APCDD1: variants seen among roughly 807,000 people sequenced by gnomAD.
APCDD1 encodes APC down-regulated 1.
APCDD1 carries 15 observed loss-of-function variants against 38.1 expected under a neutral mutation model. The ratio of observed to expected loss-of-function variants is 0.39; its 90% CI spans 0.26 to 0.61. APCDD1 has a LOEUF of 0.61. APCDD1 is among the 20% of genes least tolerant of loss of function. The pLI is 0.49. For synonymous variants in APCDD1, 261 were observed against 279.7 expected (o/e 0.93, Z 0.67); for missense variants, 647 against 696.2 (o/e 0.93, Z 0.79).
chr18:10,457,424 T>C (rs1265454738), intron 1 of APCDD1, among the ~76,000 whole-genome samples: 1 of 152,250 alleles, frequency 6.6e-6, no homozygotes, highest in Non-Finnish European at 1.5e-5. Flanking sequence ...TAGTAACAGA[T>C]GGAGTGTGAT....
At chr18:10,460,425 C>T (rs763715902) in intron 1 of APCDD1, among the ~76,000 whole-genome samples, 3 of 151,382 alleles carry the variant, frequency 2.0e-5, no homozygotes, top group Non-Finnish European at 2.9e-5. Context: ...TCCAGCTTCT[C>T]GGGAGGGTGA....
rs897890762 is a variant in APCDD1 at position 10,472,021 on chromosome 18, A to G, written c.734A>G (p.Tyr245Cys). 6.2e-7 allele frequency: 1 copy of G among 1,613,794 alleles called. No homozygotes were observed. The highest frequency in any genetic ancestry group is 8.5e-7 in the Non-Finnish European group (1 of 1,180,030). ...IHTDATQRMFYRPSSYQPPLQ... is the reference protein window; with the variant it reads ...IHTDATQRMFCRPSSYQPPLQ... ...ACTGATGCCACCCAGAGGATGTTCTACCGGCCCTCCAGTTACCAGCCCCCT... is the reference window on the plus strand; with the variant it reads ...ACTGATGCCACCCAGAGGATGTTCTGCCGGCCCTCCAGTTACCAGCCCCCT... The change falls in exon 3 of 5, where the codon TAC (tyrosine) becomes TGC (cysteine). Residue 245 changes from tyrosine (Y) to cysteine (C), a missense_variant. Coordinates refer to ENST00000355285, the MANE Select transcript of APCDD1 (RefSeq NM_153000.5). The surrounding 1 kb of genome is among the most constrained non-coding windows in gnomAD (Gnocchi z 6.6).
chr18:10,464,829 G>C (rs1003178800), intron 1 of APCDD1, among the ~76,000 whole-genome samples: 2 of 152,188 alleles, frequency 1.3e-5, no homozygotes, highest in Non-Finnish European at 2.9e-5. Flanking sequence ...AACTTTGCCT[G>C]GAGGCCCTAT....
rs2030614865 is a variant in APCDD1, at chr18:10,463,146, C to A, written c.59-5323C>A. Among the ~76,000 whole-genome samples, 3 of 152,002 alleles carry A rather than the reference C, an allele frequency of 2.0e-5. No individual in the cohort carries two copies. The South Asian group carries it at 6.2e-4, about 32-fold the overall frequency. ...TATGCGAATCTCTCACTCCTGCCCC[C>A]CATGCTTGAGTGTGCTCAAGCACAC... On this transcript the variant is annotated intron_variant, in intron 1 of 4. Coordinates refer to ENST00000355285, the MANE Select transcript of APCDD1 (RefSeq NM_153000.5).
chr18:10,487,609 C>A lies in APCDD1; in HGVS notation c.1116C>A (p.Thr372=), dbSNP rs116485256. The A allele has an allele frequency of 1.2e-6, 2 of 1,614,132 alleles. No individual in the cohort carries two copies. The highest frequency in any genetic ancestry group is 1.7e-6 in the Non-Finnish European group (2 of 1,180,048). The change falls in exon 5 of 5, where the codon ACC becomes ACA. Residue 372 remains threonine (T), a synonymous_variant. Coordinates refer to ENST00000355285, the MANE Select transcript of APCDD1 (RefSeq NM_153000.5). ...FVFKVNHMKV[T]PMDAATASLL... ...TTGCAGTGAATCACATGAAGGTCAC[C>A]CCCATGGATGCGGCCACAGCCTCAC...
rs749572726 is a variant in APCDD1 at position 10,471,616 on chromosome 18, A to G, written c.329A>G (p.Tyr110Cys). 10 of 1,614,186 alleles carry G rather than the reference A, an allele frequency of 6.2e-6. No homozygotes were observed. In the South Asian group the frequency reaches 9.9e-5, roughly 16 times the overall value. ...ACCTTCAAGGCCTACCAATTTTATT[A>G]TGGCAGCAACCGGTGCACAAATCCC... is the stretch of plus-strand genomic sequence containing the variant. ...NNTFKAYQFY[Y>C]GSNRCTNPTY... The change falls in exon 3 of 5, where the codon TAT (tyrosine) becomes TGT (cysteine). Residue 110 changes from tyrosine to cysteine, a missense_variant. Physicochemically the swap from Tyr to Cys is radical, Grantham distance 194. Transcript: ENST00000355285. This position sits in a 1 kb window ranked among gnomAD's most constrained non-coding sequence, Gnocchi z 5.5.
At position 10,472,007 on chromosome 18, in the gene APCDD1, C is replaced by T. The variant is rs2030871827; in HGVS notation, c.720C>T (p.Thr240=). ...LFLGDIHTDA[T]QRMFYRPSSY... Reference sequence around the variant, plus strand: ...TTGGTGACATTCACACTGATGCCACCCAGAGGATGTTCTACCGGCCCTCCA... The same window carrying T: ...TTGGTGACATTCACACTGATGCCACTCAGAGGATGTTCTACCGGCCCTCCA... The change falls in exon 3 of 5, where the codon ACC becomes ACT. Residue 240 remains threonine (T), a synonymous_variant. Transcript: ENST00000355285. The surrounding 1 kb of genome is among the most constrained non-coding windows in gnomAD (Gnocchi z 6.6). 1 of 1,613,920 alleles carries T rather than the reference C, an allele frequency of 6.2e-7. No homozygotes were observed. The highest frequency in any genetic ancestry group is 8.5e-7 in the Non-Finnish European group (1 of 1,180,040).
rs1484306128 is a variant in APCDD1, at chr18:10,472,257, C to T, written c.774+196C>T. ...GAGGGTGCTTTAGCCAGTCAGGAGA[C>T]CTGGGTCTGCCACCAACTTGCTCTG... On this transcript the variant is annotated intron_variant, in intron 3 of 4. Coordinates refer to ENST00000355285, the MANE Select transcript of APCDD1 (RefSeq NM_153000.5). The surrounding 1 kb of genome is among the most constrained non-coding windows in gnomAD (Gnocchi z 6.6). 2.0e-5 allele frequency among the ~76,000 whole-genome samples: 3 copies of T among 152,068 alleles called. No homozygotes were observed. The highest frequency in any genetic ancestry group is 1.5e-5 in the Non-Finnish European group (1 of 67,996).
In APCDD1 at chr18:10,471,546, GGCCCA is replaced by G. The variant is rs751406515; in HGVS notation, c.261_265del (p.Pro88ValfsTer12). The stretch of plus-strand genomic sequence containing the variant: ...CTTGCCCAGCTGTGAAGTAAGGTCA[GGCCCA>G]GAGTTCATCACAAGGTCCTACAGAT... On this transcript the variant is annotated frameshift_variant, in exon 3 of 5. Transcript: ENST00000355285. LOFTEE classifies it high-confidence loss of function. This position sits in a 1 kb window ranked among gnomAD's most constrained non-coding sequence, Gnocchi z 5.5. 1 of 1,614,174 alleles carries G rather than the reference GGCCCA, an allele frequency of 6.2e-7. No homozygotes were observed. Among genetic ancestry groups the G allele is most frequent in the Non-Finnish European group, 8.5e-7 (1 of 1,180,032 alleles).
intron 3 of APCDD1, among the ~76,000 whole-genome samples, chr18:10,478,530 G>A (rs2031059780): frequency 6.6e-6 from 1 of 152,200 alleles, no homozygotes; most frequent in South Asian, 2.1e-4. Context: ...TCTCTCCCAG[G>A]TTGCAGACTG....
chr18:10,484,093 C>T lies in APCDD1; in HGVS notation c.775-1369C>T, dbSNP rs753283874. On this transcript the variant is annotated intron_variant, in intron 3 of 4. Coordinates refer to ENST00000355285, the MANE Select transcript of APCDD1 (RefSeq NM_153000.5). ...GACAGCCCTTGTTCCCTGCTGTGTC[C>T]GTGTTATAAAATAGACCAGGCAAGA... Among the ~76,000 whole-genome samples, 93 of 152,302 alleles carry T rather than the reference C, an allele frequency of 6.1e-4. 2 individuals carry two copies. The Middle Eastern group carries it at 0.01, about 17-fold the overall frequency.
In APCDD1 at chr18:10,488,127, A is replaced by T; in HGVS notation, c.*89A>T. The T allele has an allele frequency of 6.9e-7, 1 of 1,443,774 alleles. No individual in the cohort carries two copies. The highest frequency in any genetic ancestry group is 1.2e-5 in the South Asian group (1 of 83,370). The allele number at this position is 1,443,774 out of a possible 1,614,324, so 89.4% of individuals were successfully genotyped here. Reference sequence around the variant, plus strand: ...AAAAGAAAAGACATTTATTCTTTTGATGCACTTGAATGCCAGAGAACTGTC... The same window carrying T: ...AAAAGAAAAGACATTTATTCTTTTGTTGCACTTGAATGCCAGAGAACTGTC... On this transcript the variant is annotated 3_prime_UTR_variant, in exon 5 of 5. Transcript: ENST00000355285.
Position 10,485,455 on chromosome 18 carries a change from G to A in APCDD1, c.775-7G>A, listed in dbSNP as rs1381041168. On this transcript the variant is annotated splice_polypyrimidine_tract_variant and splice_region_variant and intron_variant, in intron 3 of 4. Coordinates refer to ENST00000355285, the MANE Select transcript of APCDD1 (RefSeq NM_153000.5). The surrounding 1 kb of genome is among the most constrained non-coding windows in gnomAD (Gnocchi z 5.8). ...GGCCTCTGAATGTGTTTGTTTCTTG[G>A]CTTCAGAACCACGACCATGCCTGCA... 3.1e-6 allele frequency: 5 copies of A among 1,613,664 alleles called. 1 individual carries two copies. The South Asian group carries it at 5.5e-5, about 18-fold the overall frequency.
intron 1 of APCDD1, among the ~76,000 whole-genome samples, chr18:10,459,960 C>T (rs1425268698): frequency 6.6e-6 from 1 of 152,158 alleles, no homozygotes. Context: ...TTAAGCTCTC[C>T]ATAATGGTTG....
In APCDD1 at chr18:10,472,894, C is replaced by A. The variant is rs16974517; in HGVS notation, c.774+833C>A. 0.093 allele frequency among the ~76,000 whole-genome samples: 14,218 copies of A among 152,224 alleles called. 795 individuals are homozygous for A. Among genetic ancestry groups the A allele is most frequent in the Middle Eastern group, 0.18 (52 of 294 alleles). ...AACTCGATCACCTCCACCATCTCCCCGCAGAGCCTGTGAAGTCCCAGGCAG... is the reference window on the plus strand; with the variant it reads ...AACTCGATCACCTCCACCATCTCCCAGCAGAGCCTGTGAAGTCCCAGGCAG... On this transcript the variant is annotated intron_variant, in intron 3 of 4. Coordinates refer to ENST00000355285, the MANE Select transcript of APCDD1 (RefSeq NM_153000.5). The surrounding 1 kb of genome is among the most constrained non-coding windows in gnomAD (Gnocchi z 6.6).
At chr18:10,481,211 C>T (rs2031129178) in intron 3 of APCDD1, among the ~76,000 whole-genome samples, 1 of 152,060 alleles carries the variant, frequency 6.6e-6, no homozygotes, top group South Asian at 2.1e-4. Flanking sequence ...GGGTACATAC[C>T]CAAAAGAATT....
rs1347016867 is a variant in APCDD1 at position 10,488,915 on chromosome 18, T to A, written c.*877T>A. 6.6e-6 allele frequency: 1 copy of A among 152,232 alleles called. No individual in the cohort carries two copies. Among genetic ancestry groups the A allele is most frequent in the East Asian group, 1.9e-4 (1 of 5,194 alleles). 9.4% of individuals were successfully genotyped at this position (152,232 alleles called of 1,614,324 possible). A position where few individuals can be genotyped will look rare whatever the true frequency, so the allele number is the denominator to read the frequency against. ...GAGAAAGTGCCCGTTCATTGCAGTTTCCTCTTCCTGGGGGACCTGAGCCCT... is the reference window on the plus strand; with the variant it reads ...GAGAAAGTGCCCGTTCATTGCAGTTACCTCTTCCTGGGGGACCTGAGCCCT... On this transcript the variant is annotated 3_prime_UTR_variant, in exon 5 of 5. Coordinates refer to ENST00000355285, the MANE Select transcript of APCDD1 (RefSeq NM_153000.5).
intron 2 of APCDD1, among the ~76,000 whole-genome samples, chr18:10,468,935 G>A (rs1259360058): frequency 6.6e-6 from 1 of 152,230 alleles, no homozygotes; most frequent in East Asian, 1.9e-4. Flanking sequence ...GGGACCACTT[G>A]TGTATAAAAA....
rs1401249685 is a variant in APCDD1 at position 10,476,116 on chromosome 18, C to T, written c.774+4055C>T. ...TCTTCAAAGACCGTACACGCCTGCC[C>T]AGGAGAGGCTGGAACCTCCTCCTTT... On this transcript the variant is annotated intron_variant, in intron 3 of 4. Coordinates refer to ENST00000355285, the MANE Select transcript of APCDD1 (RefSeq NM_153000.5). The surrounding 1 kb of genome is among the most constrained non-coding windows in gnomAD (Gnocchi z 5.8). The T allele has an allele frequency of 6.6e-6, 1 of 152,252 alleles. No individual in the cohort carries two copies. Among genetic ancestry groups the T allele is most frequent in the Non-Finnish European group, 1.5e-5 (1 of 68,054 alleles). The allele number at this position is 152,252 out of a possible 1,614,324, so 9.4% of individuals were successfully genotyped here. A position where few individuals can be genotyped will look rare whatever the true frequency, so the allele number is the denominator to read the frequency against.
Sources: gnomAD v4.1 joint callset for allele counts (sites outside exome capture counted in the v4.1 genomes callset) on GRCh38, gnomAD v4.1.1 for gene constraint, Gnocchi (gnomAD v3.1) non-coding constraint, MANE v1.5 for transcripts, NCBI Gene and HGNC (gene_info 2026-07-23, HGNC 2026-07-21) for gene names.